The following KCTD1 variants were observed in gnomAD, a reference collection of about 807,000 sequenced individuals.
The protein encoded by KCTD1 is potassium channel tetramerization domain containing 1.
In KCTD1, 24 loss-of-function variants were observed where a neutral mutation model predicts 66.0. The ratio of observed to expected loss-of-function variants is 0.36; its 90% CI spans 0.26 to 0.51. The LOEUF (loss-of-function observed/expected upper bound fraction) is 0.51. Among genes scored for constraint, KCTD1 ranks in the 20% least tolerant of loss-of-function variants. KCTD1 has a pLI of 0.95. For missense variants in KCTD1, 943 were observed against 1,205.2 expected (o/e 0.78, Z 3.22); for synonymous variants, 511 against 517.2 (o/e 0.99, Z 0.16).
At chr18:26,521,870 GA>G (rs562221104) in intron 1 of KCTD1, among the ~76,000 whole-genome samples, 144 of 152,208 alleles carry the variant, frequency 9.5e-4, no homozygotes, top group Middle Eastern at 3.4e-3. Context: ...CTAACCTGAC[GA>G]AAACGGTCTA....
chr18:26,655,253 G>T (rs1387475921), intron 1 of KCTD1, among the ~76,000 whole-genome samples: 2 of 152,238 alleles, frequency 1.3e-5, no homozygotes, highest in Non-Finnish European at 2.9e-5. Flanking sequence ...GTCTACTGCT[G>T]AGAAGGTAAA....
At chr18:26,650,078 C>T (rs1471926417) in intron 1 of KCTD1, among the ~76,000 whole-genome samples, 3 of 152,198 alleles carry the variant, frequency 2.0e-5, no homozygotes, top group Non-Finnish European at 4.4e-5. Flanking sequence ...ACGACCTCCA[C>T]ATGAGTAATC....
chr18:26,464,448 C>T (rs186995103), intron 3 of KCTD1, among the ~76,000 whole-genome samples: 1 of 152,360 alleles, frequency 6.6e-6, no homozygotes, highest in Admixed American at 6.5e-5. Context: ...AACTTAATCA[C>T]ATCTGCAAAG....
intron 1 of KCTD1, among the ~76,000 whole-genome samples, chr18:26,518,076 C>A (rs1014128919): frequency 6.6e-6 from 1 of 152,204 alleles, no homozygotes; most frequent in African/African-American, 2.4e-5. Flanking sequence ...CTGTACACCC[C>A]CATCTCTAGC....
At chr18:26,652,409 C>T (rs1898658) in intron 1 of KCTD1, among the ~76,000 whole-genome samples, 99,697 of 152,044 alleles carry the variant, frequency 0.66, 33,572 homozygotes, top group African/African-American at 0.81. Flanking sequence ...TTCAAAGTGT[C>T]TTCAGTTGAG....
intron 2 of KCTD1, among the ~76,000 whole-genome samples, chr18:26,484,108 A>C (rs1018522425): frequency 6.6e-6 from 1 of 152,248 alleles, no homozygotes; most frequent in Non-Finnish European, 1.5e-5. Flanking sequence ...TATCATAAAC[A>C]GCATTTAATT....
At chr18:26,533,624 G>A (rs372573815) in intron 1 of KCTD1, among the ~76,000 whole-genome samples, 20 of 152,096 alleles carry the variant, frequency 1.3e-4, no homozygotes, top group African/African-American at 4.8e-4. Flanking sequence ...TGCAGCCTCC[G>A]AGTAGCTGGG....
chr18:26,597,392 A>T (rs1986790803), intron 1 of KCTD1, among the ~76,000 whole-genome samples: 1 of 152,168 alleles, frequency 6.6e-6, no homozygotes, highest in Non-Finnish European at 1.5e-5. Flanking sequence ...AATATTGATT[A>T]CATACAGGGG....
intron 1 of KCTD1, among the ~76,000 whole-genome samples, chr18:26,537,822 A>G (rs1984779830): frequency 6.6e-6 from 1 of 152,216 alleles, no homozygotes; most frequent in African/African-American, 2.4e-5. Flanking sequence ...ATAAAATTTA[A>G]TCTCTTTTGA....
At chr18:26,600,368 G>T (rs1247334828) in intron 1 of KCTD1, 5 of 1,185,566 alleles carry the variant, frequency 4.2e-6, no homozygotes, top group African/African-American at 1.5e-5. Flanking sequence ...GGACCCATCT[G>T]CTCCTCCAGC....
At chr18:26,644,097 C>A (rs1483829019), upstream of KCTD1, among the ~76,000 whole-genome samples, 1 of 152,172 alleles carries the variant, frequency 6.6e-6, no homozygotes, top group African/African-American at 2.4e-5. Context: ...ATTTGGTTCT[C>A]ATCCCCGTTT....
At chr18:26,507,056 C>T (rs1983077244) in intron 1 of KCTD1, among the ~76,000 whole-genome samples, 1 of 152,134 alleles carries the variant, frequency 6.6e-6, no homozygotes, top group Admixed American at 6.5e-5. Context: ...ATCCCAGCTA[C>T]TCGGGAGGCG....
Position 26,599,087 on chromosome 18 carries a change from A to G in KCTD1, c.-16+30060T>C, listed in dbSNP as rs576884728. ...TATTGACAAATCCAAGATCACAAAG[A>G]TTTAGTTCAATGTTTTCTTCTAAGA... On this transcript the variant is annotated intron_variant, in intron 1 of 4. Transcript: ENST00000317932. 2.6e-5 allele frequency among the ~76,000 whole-genome samples: 4 copies of G among 152,296 alleles called. No individual in the cohort carries two copies. The South Asian group carries it at 8.3e-4, about 32-fold the overall frequency.
At chr18:26,602,678 G>A (rs78313161) in intron 1 of KCTD1, among the ~76,000 whole-genome samples, 2,237 of 152,238 alleles carry the variant, frequency 0.015, 56 homozygotes, top group African/African-American at 0.051. Context: ...GAACTTATCA[G>A]CTACATGATA....
Position 26,455,737 on chromosome 18 carries a change from G to A in KCTD1, c.*6C>T. The A allele has an allele frequency of 1.2e-6, 2 of 1,613,928 alleles. No homozygotes were observed. The highest frequency in any genetic ancestry group is 1.7e-6 in the Non-Finnish European group (2 of 1,179,990). ...GTTTTCCTTTTTGCATAAGAAATAT[G>A]TCCATTTAGTCCAGAGGCTCTTGCT... is the stretch of plus-strand genomic sequence containing the variant. On this transcript the variant is annotated 3_prime_UTR_variant, in exon 5 of 5. Coordinates refer to ENST00000580059, the MANE Select transcript of KCTD1 (RefSeq NM_001142730.3).
intron 1 of KCTD1, among the ~76,000 whole-genome samples, chr18:26,502,113 G>A (rs1328724329): frequency 6.6e-6 from 1 of 152,156 alleles, no homozygotes; most frequent in African/African-American, 2.4e-5. Context: ...GCAGTGGCAC[G>A]ATCTCGGCTC....
Position 26,548,306 on chromosome 18 carries a change from C to T in KCTD1, c.231G>A (p.Glu77=), listed in dbSNP as rs1266032115. 2.7e-6 allele frequency: 4 copies of T among 1,506,542 alleles called. No homozygotes were observed. The highest frequency in any genetic ancestry group is 2.5e-5 in the South Asian group (2 of 80,040). 93.3% of individuals were successfully genotyped at this position (1,506,542 alleles called of 1,614,324 possible). ...CCAGCCCCCCACCTCCGTCCTCCTC[C>T]TCCTCCTCGTCCCCCGTTATCTGCA... ...QEVQITGDEE[E]EEDGGGGLEE... is the part of the protein sequence containing the mutation. Residue 77 remains glutamate (E), a synonymous_variant, in exon 1 of 5, where the codon GAG becomes GAA. Coordinates refer to ENST00000580059, the MANE Select transcript of KCTD1 (RefSeq NM_001142730.3).
intron 1 of KCTD1, among the ~76,000 whole-genome samples, chr18:26,628,011 C>T (rs565985195): frequency 5.3e-5 from 8 of 152,308 alleles, no homozygotes; most frequent in African/African-American, 1.9e-4. Context: ...CCAGTTCCCA[C>T]CATGTGATCT....
chr18:26,657,006 G>T (rs773974756), intron 1 of KCTD1, among the ~76,000 whole-genome samples: 70 of 150,486 alleles, frequency 4.7e-4, no homozygotes, highest in Non-Finnish European at 6.5e-4. Context: ...AGCCACGGCG[G>T]CTCCTCTCCG....
Sources: allele counts gnomAD v4.1 joint callset (sites outside exome capture counted in the v4.1 genomes callset), GRCh38; gene constraint gnomAD v4.1.1; transcripts MANE v1.5; gene names NCBI Gene and HGNC (gene_info 2026-07-23, HGNC 2026-07-21).